The following PON1 variants were observed in gnomAD, a reference collection of about 807,000 sequenced individuals.
PON1 encodes serum paraoxonase/arylesterase 1.
Under a neutral mutation model 39.2 loss-of-function variants are expected in PON1, and 37 were observed. That is an observed-to-expected ratio of 0.94 (90% CI 0.73 to 1.24). The LOEUF (loss-of-function observed/expected upper bound fraction) is 1.24, where lower values mean the gene tolerates loss of function less well. PON1 is among the 50% of genes most tolerant of loss of function. The probability of loss-of-function intolerance (pLI) is 0.00; values close to 1 mark genes in which losing one functional copy is unlikely to be tolerated. For missense variants in PON1, 397 were observed against 413.5 expected, an observed-to-expected ratio of 0.96 and a Z score of 0.35; for synonymous variants, 148 against 152.2, an observed-to-expected ratio of 0.97 and a Z score of 0.21.
intron 7 of PON1, among the ~76,000 whole-genome samples, chr7:95,305,175 C>T (rs530943892): frequency 6.6e-6 from 1 of 152,292 alleles, no homozygotes; most frequent in Non-Finnish European, 1.5e-5. Flanking sequence ...CTCAGATGTG[C>T]TGACAGGAAC....
At position 95,298,911 on chromosome 7, in the gene PON1, TCA is replaced by T; in HGVS notation, c.*31_*32del. The T allele has an allele frequency of 6.2e-7, 1 of 1,613,574 alleles. No homozygotes were observed. The highest frequency in any genetic ancestry group is 8.5e-7 in the Non-Finnish European group (1 of 1,179,514). ...ATGGCAAGCGGTTGAAATAATGGCC[TCA>T]GTTTCTATGGCATGGGTGCAAATCG... On this transcript the variant is annotated 3_prime_UTR_variant, in exon 9 of 9. Coordinates refer to ENST00000222381, the MANE Select transcript of PON1 (RefSeq NM_000446.7).
At chr7:95,299,818 A>G (rs1161764183) in intron 8 of PON1, among the ~76,000 whole-genome samples, 2 of 152,020 alleles carry the variant, frequency 1.3e-5, no homozygotes, top group Admixed American at 1.3e-4. Context: ...TTACATATAT[A>G]TATATCCTAT....
chr7:95,313,624 G>A (rs143449312), intron 4 of PON1, among the ~76,000 whole-genome samples: 33,730 of 145,922 alleles, frequency 0.23, 3,965 homozygotes, highest in East Asian at 0.48. Context: ...GTATATGTGT[G>A]TGTGTGTGTG....
rs749828475 is a variant in PON1, at chr7:95,315,465, C to T, written c.227G>A (p.Ser76Asn). Residue 76 changes from serine (S) to asparagine (N), a missense_variant, in exon 4 of 9, where the codon AGC becomes AAC. Physicochemically the swap from Ser to Asn is conservative, Grantham distance 46. Transcript: ENST00000222381. ...SSGLKYPGIKSFNPNSPGKIL... is the reference protein window; with the variant it reads ...SSGLKYPGIKNFNPNSPGKIL... ...TTTTCCAGGACTGTTGGGGTTGAAG[C>T]TCTTTATTCCAGGATACTTTAATCC... The T allele has an allele frequency of 4.3e-6, 7 of 1,613,952 alleles. No homozygotes were observed. Among genetic ancestry groups the T allele is most frequent in the Non-Finnish European group, 5.9e-6 (7 of 1,179,988 alleles).
intron 5 of PON1, among the ~76,000 whole-genome samples, chr7:95,309,130 A>T (rs1807603854): frequency 6.6e-6 from 1 of 152,154 alleles, no homozygotes; most frequent in Non-Finnish European, 1.5e-5. Flanking sequence ...CAGTTTTCTC[A>T]TCTGTAAAGA....
At chr7:95,312,120 A>G (rs1414535301) in intron 4 of PON1, among the ~76,000 whole-genome samples, 1 of 152,270 alleles carries the variant, frequency 6.6e-6, no homozygotes, top group Non-Finnish European at 1.5e-5. Context: ...AGTAAAAGTT[A>G]GATTATGGTC....
chr7:95,301,695 A>G (rs889482234), intron 8 of PON1, among the ~76,000 whole-genome samples: 3 of 152,056 alleles, frequency 2.0e-5, no homozygotes, highest in Non-Finnish European at 4.4e-5. Flanking sequence ...TAAGTGTGCC[A>G]TGTGTTTCTT....
At chr7:95,321,073 A>C (rs971426185) in intron 1 of PON1, among the ~76,000 whole-genome samples, 2 of 152,246 alleles carry the variant, frequency 1.3e-5, no homozygotes, top group African/African-American at 4.8e-5. Context: ...AAGAGAAGCC[A>C]GTACTCACAG....
chr7:95,304,802 T>C (rs1026015680), intron 7 of PON1, among the ~76,000 whole-genome samples: 2 of 152,162 alleles, frequency 1.3e-5, no homozygotes, highest in Non-Finnish European at 2.9e-5. Flanking sequence ...AAGAATAATG[T>C]GACAATTGAT....
chr7:95,310,103 T>C (rs1026388303), intron 5 of PON1, among the ~76,000 whole-genome samples: 5 of 152,248 alleles, frequency 3.3e-5, no homozygotes, highest in Admixed American at 1.3e-4. Context: ...GCACCAGCTC[T>C]GAACTCATGT....
chr7:95,310,109 C>A (rs1394540047), intron 5 of PON1, among the ~76,000 whole-genome samples: 2 of 152,204 alleles, frequency 1.3e-5, no homozygotes, highest in Non-Finnish European at 2.9e-5. Flanking sequence ...GCTCTGAACT[C>A]ATGTTACCAG....
At chr7:95,321,322 G>C (rs907196217) in intron 1 of PON1, among the ~76,000 whole-genome samples, 3 of 152,170 alleles carry the variant, frequency 2.0e-5, no homozygotes, top group Non-Finnish European at 2.9e-5. Context: ...AGAAGTATTC[G>C]GTGAAAATAC....
intron 5 of PON1, 74 bp from the exon 6 acceptor site, chr7:95,308,285 C>T: frequency 7.3e-7 from 1 of 1,373,586 alleles, no homozygotes; most frequent in Non-Finnish European, 1.0e-6. Context: ...ACTGGCATTC[C>T]TCACTGTCTA....
At chr7:95,315,599 TAGCCAGATGGCCACATAGGA>T in intron 3 of PON1, 109 bp from the exon 4 acceptor site, 1 of 1,170,510 alleles carries the variant, frequency 8.5e-7, no homozygotes, top group African/African-American at 1.5e-5. Context: ...ACCACAGGGC[TAGCCAGATGGCCACATAGGA>T]AGCCTCTTAG....
intron 1 of PON1, among the ~76,000 whole-genome samples, chr7:95,322,131 G>A (rs1291431489): frequency 6.6e-6 from 1 of 152,004 alleles, no homozygotes; most frequent in Non-Finnish European, 1.5e-5. Context: ...CTGGAGGGTT[G>A]GAGGATTATT....
intron 4 of PON1, among the ~76,000 whole-genome samples, chr7:95,313,904 G>T (rs1807709655): frequency 6.6e-6 from 1 of 152,220 alleles, no homozygotes; most frequent in South Asian, 2.1e-4. Context: ...GGAAGTAAAA[G>T]ATCAAACCTC....
intron 1 of PON1, among the ~76,000 whole-genome samples, chr7:95,321,677 T>C (rs954335563): frequency 3.9e-5 from 6 of 152,220 alleles, no homozygotes; most frequent in African/African-American, 1.4e-4. Context: ...TCAAGTGTCA[T>C]GATACTAAGG....
At chr7:95,315,291 T>C (rs1173923644) in intron 4 of PON1, 31 bp downstream of exon 4, 1 of 1,587,660 alleles carries the variant, frequency 6.3e-7, no homozygotes, top group African/African-American at 1.3e-5. Flanking sequence ...TAAGTTTGGT[T>C]TTGGTTTTAA....
At position 95,298,579 on chromosome 7, in the gene PON1, G is replaced by C; in HGVS notation, c.*365C>G. ...CTGCTCCCCTGTGTCTTCTGAACAA[G>C]ACATGGCAAGGCAGCGATACACACA... On this transcript the variant is annotated 3_prime_UTR_variant, in exon 9 of 9. Coordinates refer to ENST00000222381, the MANE Select transcript of PON1 (RefSeq NM_000446.7). 5.6e-6 allele frequency: 2 copies of C among 358,740 alleles called. No individual in the cohort carries two copies. Among genetic ancestry groups the C allele is most frequent in the Non-Finnish European group, 1.1e-5 (2 of 184,382 alleles). 22.2% of individuals were successfully genotyped at this position (358,740 alleles called of 1,614,324 possible). A position where few individuals can be genotyped will look rare whatever the true frequency, so the allele number is the denominator to read the frequency against.
Sources: gnomAD v4.1 joint callset for allele counts (sites outside exome capture counted in the v4.1 genomes callset) on GRCh38, gnomAD v4.1.1 for gene constraint, MANE v1.5 for transcripts, NCBI Gene and HGNC (gene_info 2026-07-23, HGNC 2026-07-21) for gene names.